Variants in COLGALT2 observed in about 807,000 individuals in gnomAD.
COLGALT2 encodes collagen beta(1-O)galactosyltransferase 2.
A neutral mutation model predicts 73.4 loss-of-function variants in COLGALT2; 49 were observed. The ratio of observed to expected loss-of-function variants is 0.67; its 90% CI spans 0.53 to 0.85. The LOEUF (loss-of-function observed/expected upper bound fraction) is 0.85. Among genes scored for constraint, COLGALT2 ranks in the 40% least tolerant of loss-of-function variants. The probability of loss-of-function intolerance (pLI) is 0.00; values close to 1 mark genes in which losing one functional copy is unlikely to be tolerated. For synonymous variants in COLGALT2, 295 were observed against 307.6 expected, an observed-to-expected ratio of 0.96 and a Z score of 0.43; for missense variants, 722 against 790.2, an observed-to-expected ratio of 0.91 and a Z score of 1.03.
chr1:183,972,455 A>G (rs1415862580), intron 4 of COLGALT2, among the ~76,000 whole-genome samples: 1 of 152,222 alleles, frequency 6.6e-6, no homozygotes, highest in Non-Finnish European at 1.5e-5. Flanking sequence ...TACATATTAC[A>G]TTAATCAGTT....
At chr1:183,993,201 G>C (rs950980432) in intron 1 of COLGALT2, among the ~76,000 whole-genome samples, 1 of 152,202 alleles carries the variant, frequency 6.6e-6, no homozygotes, top group Non-Finnish European at 1.5e-5. Context: ...TATCTGGAAA[G>C]TTTGACTTTC....
intron 1 of COLGALT2, among the ~76,000 whole-genome samples, chr1:184,011,769 A>T (rs569546974): frequency 1.2e-3 from 178 of 152,334 alleles, no homozygotes; most frequent in Non-Finnish European, 2.1e-3. Flanking sequence ...TAAAACCTAC[A>T]TGTGAGGTGT....
rs370769239 is a variant in COLGALT2, at chr1:183,969,483, A to G, written c.628-10T>C. 1 of 1,596,804 alleles carries G rather than the reference A, an allele frequency of 6.3e-7. No homozygotes were observed. Among genetic ancestry groups the G allele is most frequent in the Non-Finnish European group, 8.5e-7 (1 of 1,171,412 alleles). Reference sequence around the variant, plus strand: ...TCCTCTTATAGAAGCCCTGTAAAAGAGCAAATAGGTGGGTTGTGTTTTCTG... The same window carrying G: ...TCCTCTTATAGAAGCCCTGTAAAAGGGCAAATAGGTGGGTTGTGTTTTCTG... On this transcript the variant is annotated splice_polypyrimidine_tract_variant and intron_variant, in intron 4 of 11. Coordinates refer to ENST00000361927, the MANE Select transcript of COLGALT2 (RefSeq NM_015101.4).
intron 9 of COLGALT2, among the ~76,000 whole-genome samples, chr1:183,945,101 G>A (rs1044936275): frequency 2.0e-5 from 3 of 152,178 alleles, no homozygotes; most frequent in Admixed American, 2.0e-4. Flanking sequence ...TGACTTCTGT[G>A]TGATTTCTTG....
Position 183,978,443 on chromosome 1 carries a change from T to C in COLGALT2, c.341A>G (p.His114Arg), listed in dbSNP as rs377366751. ...ATCCATAGGCCTCCACTCCACATAG[T>C]GATAGAGTCTCTGTACATTTTTCAA... ...EWLKNVQRLYHYVEWRPMDEP... is the reference protein window; with the variant it reads ...EWLKNVQRLYRYVEWRPMDEP... The change falls in exon 2 of 12, where the codon CAC becomes CGC. Residue 114 changes from histidine (H) to arginine (R), a missense_variant. His to Arg is a conservative substitution (Grantham distance 29). Coordinates refer to ENST00000361927, the MANE Select transcript of COLGALT2 (RefSeq NM_015101.4). The C allele has an allele frequency of 1.2e-5, 20 of 1,611,458 alleles. No homozygotes were observed. In the African/African-American group the frequency reaches 2.5e-4, roughly 20 times the overall value.
chr1:184,035,384 A>G (rs1649641580), intron 1 of COLGALT2, among the ~76,000 whole-genome samples: 1 of 152,228 alleles, frequency 6.6e-6, no homozygotes, highest in African/African-American at 2.4e-5. Context: ...TTTGTAGATT[A>G]TAGGCTTATG....
chr1:183,986,362 C>T (rs78645067), intron 1 of COLGALT2, among the ~76,000 whole-genome samples: 2,677 of 152,286 alleles, frequency 0.018, 82 homozygotes, highest in African/African-American at 0.061. Context: ...AAATTCCTCA[C>T]CAACAAAATT....
At chr1:183,980,667 G>A (rs1472623709) in intron 1 of COLGALT2, among the ~76,000 whole-genome samples, 2 of 151,986 alleles carry the variant, frequency 1.3e-5, no homozygotes, top group Non-Finnish European at 2.9e-5. Flanking sequence ...GTTATCCAGA[G>A]TGCAGGAAAA....
At chr1:184,006,500 C>T (rs966819407) in intron 1 of COLGALT2, among the ~76,000 whole-genome samples, 6 of 152,008 alleles carry the variant, frequency 3.9e-5, no homozygotes, top group African/African-American at 7.2e-5. Flanking sequence ...AGGAGAATCG[C>T]TTGAACCTGG....
At chr1:184,011,054 A>G (rs1672221219) in intron 1 of COLGALT2, among the ~76,000 whole-genome samples, 1 of 152,202 alleles carries the variant, frequency 6.6e-6, no homozygotes, top group African/African-American at 2.4e-5. Context: ...CCATTACTTG[A>G]CATATAATTA....
chr1:183,954,566 T>C (rs1283003470), intron 7 of COLGALT2, among the ~76,000 whole-genome samples, 196 bp downstream of exon 7: 1 of 152,260 alleles, frequency 6.6e-6, no homozygotes, highest in African/African-American at 2.4e-5. Flanking sequence ...ACTACATTTA[T>C]CATGATACTC....
downstream of COLGALT2, among the ~76,000 whole-genome samples, chr1:183,934,496 G>A (rs1374936047): frequency 5.9e-5 from 9 of 152,164 alleles, no homozygotes; most frequent in East Asian, 1.9e-4. Context: ...TCATGTGGGC[G>A]TGACATTTCC....
In COLGALT2 at chr1:183,937,811, GCCTGAAA is replaced by G; in HGVS notation, c.*943_*949del. On this transcript the variant is annotated 3_prime_UTR_variant, in exon 12 of 12. Coordinates refer to ENST00000361927, the MANE Select transcript of COLGALT2 (RefSeq NM_015101.4). Reference sequence around the variant, plus strand: ...AAAACTCTGGCAAGGATAGTTGCTGGCCTGAAAATGTGCTCTGTCTCTTAGCAGTGAC... The same window carrying G: ...AAAACTCTGGCAAGGATAGTTGCTGGATGTGCTCTGTCTCTTAGCAGTGAC... 1 of 985,392 alleles carries G rather than the reference GCCTGAAA, an allele frequency of 1.0e-6. No homozygotes were observed. The highest frequency in any genetic ancestry group is 1.2e-6 in the Non-Finnish European group (1 of 829,920). 61.0% of individuals were successfully genotyped at this position (985,392 alleles called of 1,614,324 possible).
intron 1 of COLGALT2, among the ~76,000 whole-genome samples, chr1:184,001,748 G>C (rs900856940): frequency 6.6e-6 from 1 of 152,134 alleles, no homozygotes; most frequent in Non-Finnish European, 1.5e-5. Flanking sequence ...ATTATTCTGG[G>C]TCTCTTGATT....
chr1:183,999,635 G>A (rs1430418118), intron 1 of COLGALT2, among the ~76,000 whole-genome samples: 3 of 151,932 alleles, frequency 2.0e-5, no homozygotes, highest in African/African-American at 7.2e-5. Context: ...TTTCTTCAAT[G>A]TTTATAAAAA....
chr1:184,022,386 G>T (rs1228981973), intron 1 of COLGALT2, among the ~76,000 whole-genome samples: 2 of 152,134 alleles, frequency 1.3e-5, no homozygotes, highest in Admixed American at 1.3e-4. Flanking sequence ...GAAGCCTTAA[G>T]ATTTACCTAG....
chr1:183,968,949 A>C (rs4650647), intron 5 of COLGALT2, among the ~76,000 whole-genome samples: 59,228 of 151,972 alleles, frequency 0.39, 11,996 homozygotes, highest in East Asian at 0.68. Context: ...CTAATTAATA[A>C]ATGAACTTCT....
chr1:184,007,509 A>T (rs1002947207), intron 1 of COLGALT2, among the ~76,000 whole-genome samples: 3 of 152,196 alleles, frequency 2.0e-5, no homozygotes, highest in Non-Finnish European at 4.4e-5. Flanking sequence ...AAAATATGAG[A>T]GTATTTTACA....
intron 1 of COLGALT2, among the ~76,000 whole-genome samples, chr1:184,002,037 T>C (rs1671941959): frequency 6.6e-6 from 1 of 152,268 alleles, no homozygotes; most frequent in Non-Finnish European, 1.5e-5. Flanking sequence ...TCCTATTTTA[T>C]CTTCCTCACA....
Sources: gnomAD v4.1 joint callset for allele counts (sites outside exome capture counted in the v4.1 genomes callset) on GRCh38, gnomAD v4.1.1 for gene constraint, MANE v1.5 for transcripts, NCBI Gene and HGNC (gene_info 2026-07-23, HGNC 2026-07-21) for gene names.